Variants in CHL1 observed in about 807,000 individuals in gnomAD.
The protein encoded by CHL1 is cell adhesion molecule L1 like, also known as neural cell adhesion molecule L1-like protein.
A neutral mutation model predicts 141.9 loss-of-function variants in CHL1; 96 were observed. The observed-to-expected ratio is 0.68, with a 90% CI of 0.57 to 0.80. The LOEUF is 0.80. CHL1 is among the 30% of genes least tolerant of loss of function. The probability of loss-of-function intolerance (pLI) is 0.00; values close to 1 mark genes in which losing one functional copy is unlikely to be tolerated. For synonymous variants in CHL1, 613 were observed against 502.2 expected (o/e 1.22, Z -2.95); for missense variants, 1,820 against 1,457.2 (o/e 1.25, Z -4.05).
Position 341,004 on chromosome 3 carries a change from A to G in CHL1, c.508+88A>G, listed in dbSNP as rs139349994. 335 of 1,359,632 alleles carry G rather than the reference A, an allele frequency of 2.5e-4. 2 individuals carry two copies. The African/African-American group carries it at 4.0e-3, about 16-fold the overall frequency. The allele number at this position is 1,359,632 out of a possible 1,614,324, so 84.2% of individuals were successfully genotyped here. A position where few individuals can be genotyped will look rare whatever the true frequency, so the allele number is the denominator to read the frequency against. On this transcript the variant is annotated intron_variant, in intron 6 of 27. Transcript: ENST00000256509. ...ACATAATGAATCCAAAGACAAAATA[A>G]AAAATAAAGATCTCTTAATTTTTTC...
chr3:207,592 A>T (rs1699547065), intron 1 of CHL1, among the ~76,000 whole-genome samples: 1 of 152,198 alleles, frequency 6.6e-6, no homozygotes, highest in Admixed American at 6.5e-5. Context: ...AACAATTTTA[A>T]CATCTATCAC....
chr3:378,250 C>G (rs550678418), intron 16 of CHL1, among the ~76,000 whole-genome samples: 1 of 152,154 alleles, frequency 6.6e-6, no homozygotes, highest in East Asian at 1.9e-4. Context: ...GCTACTCTTT[C>G]CTGGTGTACA....
chr3:304,250 C>T (rs1442004279), intron 2 of CHL1, among the ~76,000 whole-genome samples: 1 of 152,118 alleles, frequency 6.6e-6, no homozygotes, highest in Non-Finnish European at 1.5e-5. Context: ...ATGATGCTGG[C>T]CTCATAAAAT....
chr3:396,729 A>G (rs1314059905), intron 24 of CHL1, among the ~76,000 whole-genome samples: 1 of 152,188 alleles, frequency 6.6e-6, no homozygotes, highest in Non-Finnish European at 1.5e-5. Flanking sequence ...CCACATTTTC[A>G]GTATTCCAGC....
In CHL1 at chr3:405,718, C is replaced by T. The variant is rs1180186985; in HGVS notation, c.*7C>T. ...TTTTCCCCTTCGGGCATAAACACAA[C>T]ATATGTAAGCAACGCTACTGGTTCA... is the stretch of plus-strand genomic sequence containing the variant. On this transcript the variant is annotated 3_prime_UTR_variant, in exon 28 of 28. Coordinates refer to ENST00000256509, the MANE Select transcript of CHL1 (RefSeq NM_006614.4). The T allele has an allele frequency of 6.2e-7, 1 of 1,603,178 alleles. No individual in the cohort carries two copies. Among genetic ancestry groups the T allele is most frequent in the African/African-American group, 1.3e-5 (1 of 74,702 alleles).
At chr3:279,056 A>G (rs1405443320) in intron 2 of CHL1, among the ~76,000 whole-genome samples, 1 of 152,202 alleles carries the variant, frequency 6.6e-6, no homozygotes, top group African/African-American at 2.4e-5. Flanking sequence ...CAGAAAAACA[A>G]TATTCAGAAT....
At chr3:252,288 G>A (rs563367500) in intron 2 of CHL1, among the ~76,000 whole-genome samples, 4 of 145,200 alleles carry the variant, frequency 2.8e-5, no homozygotes, top group African/African-American at 1.0e-4. Flanking sequence ...GCTATACAAA[G>A]CCTGCTTCTG....
intron 1 of CHL1, among the ~76,000 whole-genome samples, chr3:212,450 T>C (rs1699977923): frequency 6.6e-6 from 1 of 152,222 alleles, no homozygotes; most frequent in African/African-American, 2.4e-5. Flanking sequence ...CTCACCATTC[T>C]GGAAAATTCC....
At chr3:388,420 G>A (rs1707935388) in intron 19 of CHL1, among the ~76,000 whole-genome samples, 1 of 151,898 alleles carries the variant, frequency 6.6e-6, no homozygotes, top group Non-Finnish European at 1.5e-5. Flanking sequence ...GGTGGTGCAT[G>A]CCTGTAATCC....
intron 24 of CHL1, 64 bp from the exon 25 acceptor site, chr3:398,162 TA>T (rs1178305413): frequency 8.6e-7 from 1 of 1,167,972 alleles, no homozygotes; most frequent in Non-Finnish European, 1.2e-6. Context: ...CTAACAACAA[TA>T]TTTTTTTATG....
At chr3:338,320 C>G (rs2060310) in intron 5 of CHL1, among the ~76,000 whole-genome samples, 1 of 151,920 alleles carries the variant, frequency 6.6e-6, no homozygotes, top group African/African-American at 2.4e-5. Flanking sequence ...CCTCATTTAC[C>G]GAAAAAAATA....
chr3:322,153 T>C (rs990997635), intron 3 of CHL1, among the ~76,000 whole-genome samples: 2 of 152,046 alleles, frequency 1.3e-5, no homozygotes, highest in Non-Finnish European at 2.9e-5. Flanking sequence ...ACAGAAATAG[T>C]AGTAGTCAGA....
chr3:311,331 A>G (rs942216139), intron 2 of CHL1, among the ~76,000 whole-genome samples: 13 of 151,348 alleles, frequency 8.6e-5, no homozygotes, highest in Non-Finnish European at 1.8e-4. Context: ...ATAGTAATGC[A>G]TATACTATAT....
chr3:391,051 G>A lies in CHL1; in HGVS notation c.2683G>A (p.Val895Ile). ...TTCAGGACAAAGAAACTCTGGAATG[G>A]TTCCTTCCTTAGATGCCTTTAGTGA... ...RFSGQRNSGM[V>I]PSLDAFSEFH... Residue 895 changes from valine to isoleucine, a missense_variant, in exon 22 of 28, where the codon GTT becomes ATT. Transcript: ENST00000256509. 6.2e-7 allele frequency: 1 copy of A among 1,613,792 alleles called. No individual in the cohort carries two copies. The highest frequency in any genetic ancestry group is 1.1e-5 in the South Asian group (1 of 91,078).
intron 1 of CHL1, among the ~76,000 whole-genome samples, chr3:204,880 C>CTT (rs1699270475): frequency 6.6e-6 from 1 of 152,064 alleles, no homozygotes; most frequent in African/African-American, 2.4e-5. Context: ...TCTCATCTGA[C>CTT]TTTTACAATA....
At chr3:219,296 C>T (rs1196726104) in intron 1 of CHL1, among the ~76,000 whole-genome samples, 2 of 152,084 alleles carry the variant, frequency 1.3e-5, no homozygotes, top group Non-Finnish European at 2.9e-5. Context: ...ACAGAAATAC[C>T]ATTCAATCCT....
In CHL1 at chr3:401,661, A is replaced by C; in HGVS notation, c.3421A>C (p.Ile1141Leu). ...EKEDLHPDPEIQSVKDETFGE... is the reference protein window; with the variant it reads ...EKEDLHPDPELQSVKDETFGE... ...GGAAGATTTGCATCCAGACCCAGAAATTCAGTCAGTAAAAGATGAAACCTT... is the reference window on the plus strand; with the variant it reads ...GGAAGATTTGCATCCAGACCCAGAACTTCAGTCAGTAAAAGATGAAACCTT... The change falls in exon 27 of 28, where the codon ATT becomes CTT. Residue 1141 changes from isoleucine (I) to leucine (L), a missense_variant. Transcript: ENST00000256509. 2 of 1,598,074 alleles carry C rather than the reference A, an allele frequency of 1.3e-6. No homozygotes were observed. Among genetic ancestry groups the C allele is most frequent in the Non-Finnish European group, 1.7e-6 (2 of 1,173,220 alleles).
chr3:299,987 AG>A (rs1698579432), intron 2 of CHL1, among the ~76,000 whole-genome samples: 1 of 152,220 alleles, frequency 6.6e-6, no homozygotes, highest in Non-Finnish European at 1.5e-5. Context: ...AGGTTTTAGT[AG>A]GAGAATGAAA....
intron 23 of CHL1, 36 bp downstream of exon 23, chr3:391,833 T>A (rs754813833): frequency 6.6e-7 from 1 of 1,526,672 alleles, no homozygotes; most frequent in East Asian, 2.3e-5. Flanking sequence ...AACTTGTTAA[T>A]GTTTCATTTT....
Sources: gnomAD v4.1 joint callset for allele counts (sites outside exome capture counted in the v4.1 genomes callset) on GRCh38, gnomAD v4.1.1 for gene constraint, MANE v1.5 for transcripts, NCBI Gene and HGNC (gene_info 2026-07-23, HGNC 2026-07-21) for gene names.